Variants in SRGAP2B observed in about 807,000 individuals in gnomAD.
SRGAP2B encodes SLIT-ROBO Rho GTPase activating protein 2B.
A neutral mutation model predicts 22.2 loss-of-function variants in SRGAP2B; 9 were observed. The ratio of observed to expected loss-of-function variants is 0.41; its 90% CI spans 0.24 to 0.71. SRGAP2B has a LOEUF of 0.71. SRGAP2B is among the 30% of genes least tolerant of loss of function. The pLI is 0.35. For missense variants in SRGAP2B, 114 were observed against 235.8 expected, an observed-to-expected ratio of 0.48 and a Z score of 3.38; for synonymous variants, 36 against 87.4, an observed-to-expected ratio of 0.41 and a Z score of 3.28.
At chr1:144,944,287 T>A (rs1666304242) in intron 4 of SRGAP2B, among the ~76,000 whole-genome samples, 1 of 150,674 alleles carries the variant, frequency 6.6e-6, no homozygotes, top group Non-Finnish European at 1.5e-5. Flanking sequence ...ATGTCAATGT[T>A]AAAAATAGCA....
intron 2 of SRGAP2B, among the ~76,000 whole-genome samples, chr1:145,061,716 T>C (rs1650933469): frequency 6.7e-6 from 1 of 149,086 alleles, no homozygotes; most frequent in Non-Finnish European, 1.5e-5. Flanking sequence ...GCCTCCCGAG[T>C]AGCTGGGATT....
chr1:144,966,637 A>T (rs1668104117), intron 3 of SRGAP2B, among the ~76,000 whole-genome samples: 1 of 146,568 alleles, frequency 6.8e-6, no homozygotes, highest in Admixed American at 6.6e-5. Context: ...ATTCACACAT[A>T]ACAATATTAA....
intron 5 of SRGAP2B, among the ~76,000 whole-genome samples, chr1:144,907,716 CAATT>C (rs1242711604): frequency 6.7e-6 from 1 of 150,264 alleles, no homozygotes; most frequent in East Asian, 1.9e-4. Context: ...GCCCCCACAA[CAATT>C]AATTATCTGG....
intron 4 of SRGAP2B, among the ~76,000 whole-genome samples, chr1:144,950,304 T>C (rs1408566532): frequency 7.1e-6 from 1 of 140,248 alleles, no homozygotes; most frequent in East Asian, 2.1e-4. Context: ...ATCTCCAACA[T>C]GGCTTCATGC....
Position 144,976,159 on chromosome 1 carries a change from T to C in SRGAP2B, c.260+18849A>G, listed in dbSNP as rs1553614151. 4.1e-5 allele frequency among the ~76,000 whole-genome samples: 6 copies of C among 147,322 alleles called. 1 individual carries two copies. Among genetic ancestry groups the C allele is most frequent in the South Asian group, 2.1e-4 (1 of 4,770 alleles). ...CCTCCCAAAGTACTGGGATTACAGG[T>C]GTGAGCCATCGCGCCCAGCCTGGGT... On this transcript the variant is annotated intron_variant, in intron 3 of 9. Transcript: ENST00000612199.
intron 4 of SRGAP2B, among the ~76,000 whole-genome samples, chr1:144,925,167 T>C (rs1553604780): frequency 1.3e-5 from 2 of 149,814 alleles, no homozygotes; most frequent in Non-Finnish European, 2.9e-5. Flanking sequence ...CATGCCTGGA[T>C]AATTTTTTGT....
chr1:144,966,237 G>C (rs1440826918), intron 3 of SRGAP2B, among the ~76,000 whole-genome samples: 4 of 149,880 alleles, frequency 2.7e-5, no homozygotes, highest in Non-Finnish European at 5.9e-5. Flanking sequence ...AGGGCAGCCA[G>C]AGAGAAAGGT....
At chr1:145,016,941 C>T (rs1334197000) in intron 2 of SRGAP2B, among the ~76,000 whole-genome samples, 3 of 146,212 alleles carry the variant, frequency 2.1e-5, no homozygotes, top group Non-Finnish European at 4.5e-5. Flanking sequence ...CACCGCCTCC[C>T]GGGTTCAAGT....
At chr1:145,083,110 T>G (rs3935528) in intron 2 of SRGAP2B, among the ~76,000 whole-genome samples, 47 of 145,206 alleles carry the variant, frequency 3.2e-4, no homozygotes, top group South Asian at 8.5e-4. Context: ...AGCGTACTGA[T>G]GAACTCTGTA....
chr1:144,964,592 T>C (rs1233679286), intron 3 of SRGAP2B, among the ~76,000 whole-genome samples: 1 of 150,916 alleles, frequency 6.6e-6, no homozygotes, highest in Non-Finnish European at 1.5e-5. Context: ...TTCAGGTCCT[T>C]AAGGAATCTG....
chr1:144,955,304 G>T, intron 4 of SRGAP2B, 135 bp downstream of exon 4: 5 of 442,980 alleles, frequency 1.1e-5, no homozygotes, highest in South Asian at 1.0e-4. Flanking sequence ...TTTGTTACAT[G>T]GGTAAATTGC....
intron 4 of SRGAP2B, among the ~76,000 whole-genome samples, chr1:144,941,847 T>C (rs1430480299): frequency 6.7e-6 from 1 of 149,554 alleles, no homozygotes; most frequent in African/African-American, 2.5e-5. Flanking sequence ...AGAATCAGAA[T>C]AGCACAATGG....
At chr1:144,932,248 T>A (rs1474056782) in intron 4 of SRGAP2B, among the ~76,000 whole-genome samples, 1 of 149,672 alleles carries the variant, frequency 6.7e-6, no homozygotes, top group African/African-American at 2.5e-5. Context: ...TTGAGCTGTG[T>A]CTCTGGCATG....
Position 145,061,588 on chromosome 1 carries a change from CT to C in SRGAP2B, c.67+31246del, listed in dbSNP as rs1213860371. Among the ~76,000 whole-genome samples, 107 of 149,820 alleles carry C rather than the reference CT, an allele frequency of 7.1e-4. 2 individuals are homozygous for C. The highest frequency in any genetic ancestry group is 2.4e-3 in the East Asian group (12 of 5,102). On this transcript the variant is annotated intron_variant, in intron 2 of 9. Transcript: ENST00000612199. ...AGATTTGTGAATATGTGTACATTCA[CT>C]TTTTTTTCCCCCCTCTGAGACAGGG...
At position 145,009,542 on chromosome 1, in the gene SRGAP2B, C is replaced by A. The variant is rs1299885521; in HGVS notation, c.68-14342G>T. ...GGCGGAGCTTGCAGTGAGCCGAGAT[C>A]CCGCCACTGCACTCCAGCCTGGGCG... On this transcript the variant is annotated intron_variant, in intron 2 of 9. Transcript: ENST00000612199. Among the ~76,000 whole-genome samples, 2 of 144,268 alleles carry A rather than the reference C, an allele frequency of 1.4e-5. 1 individual carries two copies. The highest frequency in any genetic ancestry group is 3.0e-5 in the Non-Finnish European group (2 of 66,190). 94.6% of individuals were successfully genotyped at this position (144,268 alleles called of 152,430 possible). A position where few individuals can be genotyped will look rare whatever the true frequency, so the allele number is the denominator to read the frequency against.
At chr1:144,992,379 A>G (rs1670317692) in intron 3 of SRGAP2B, among the ~76,000 whole-genome samples, 1 of 151,026 alleles carries the variant, frequency 6.6e-6, no homozygotes, top group South Asian at 2.1e-4. Context: ...ATTTGTAACA[A>G]ATACGTCCAT....
At chr1:145,017,972 G>C (rs1219420132) in intron 2 of SRGAP2B, among the ~76,000 whole-genome samples, 1 of 150,884 alleles carries the variant, frequency 6.6e-6, no homozygotes, top group Non-Finnish European at 1.5e-5. Flanking sequence ...AACAAGCTTA[G>C]TTCCTGTTGA....
At chr1:144,966,827 A>C (rs372434567) in intron 3 of SRGAP2B, among the ~76,000 whole-genome samples, 2 of 149,388 alleles carry the variant, frequency 1.3e-5, no homozygotes, top group African/African-American at 2.6e-5. Context: ...CAAAAAAAGG[A>C]AGGGGTTGCA....
chr1:145,001,464 G>A (rs1388853112), intron 2 of SRGAP2B, among the ~76,000 whole-genome samples: 1 of 150,066 alleles, frequency 6.7e-6, no homozygotes, highest in Non-Finnish European at 1.5e-5. Context: ...GAAGAAAGAA[G>A]AAAAAAACAG....
Sources: allele counts gnomAD v4.1 joint callset (sites outside exome capture counted in the v4.1 genomes callset), GRCh38; gene constraint gnomAD v4.1.1; transcripts MANE v1.5; gene names NCBI Gene and HGNC (gene_info 2026-07-23, HGNC 2026-07-21).